Variants in FHIT observed in about 807,000 individuals in gnomAD.
The protein encoded by FHIT is bis(5'-adenosyl)-triphosphatase.
In FHIT, 19 loss-of-function variants were observed where a neutral mutation model predicts 17.9. The ratio of observed to expected loss-of-function variants is 1.06; its 90% confidence interval spans 0.74 to 1.56. The LOEUF (loss-of-function observed/expected upper bound fraction) is 1.56. Ranked by LOEUF, FHIT falls within the 40% of genes most tolerant of loss-of-function variation. The probability of loss-of-function intolerance (pLI) is 0.00; values close to 1 mark genes in which losing one functional copy is unlikely to be tolerated. For synonymous variants in FHIT, 81 were observed against 69.7 expected, an observed-to-expected ratio of 1.16 and a Z score of -0.81; for missense variants, 248 against 189.2, an observed-to-expected ratio of 1.31 and a Z score of -1.82.
intron 5 of FHIT, among the ~76,000 whole-genome samples, chr3:60,264,230 T>G (rs1706454676): frequency 6.6e-6 from 1 of 151,978 alleles, no homozygotes; most frequent in African/African-American, 2.4e-5. Context: ...AGGAGTAGCC[T>G]GATGAGCAAA....
chr3:60,674,595 G>A (rs1175612097), intron 4 of FHIT, among the ~76,000 whole-genome samples: 1 of 152,094 alleles, frequency 6.6e-6, no homozygotes. Context: ...TGTTAGAACT[G>A]GTCTAGTTCA....
At chr3:60,499,185 G>T (rs745413359) in intron 5 of FHIT, among the ~76,000 whole-genome samples, 1 of 152,154 alleles carries the variant, frequency 6.6e-6, no homozygotes, top group East Asian at 1.9e-4. Flanking sequence ...GGTGAATATA[G>T]CAAGGTATGA....
chr3:60,773,225 G>A (rs1490319590), intron 4 of FHIT, among the ~76,000 whole-genome samples: 1 of 152,080 alleles, frequency 6.6e-6, no homozygotes, highest in Non-Finnish European at 1.5e-5. Context: ...GTTACGATCT[G>A]CACAATCATG....
At chr3:60,514,009 G>A (rs1439815963) in intron 5 of FHIT, among the ~76,000 whole-genome samples, 4 of 152,130 alleles carry the variant, frequency 2.6e-5, no homozygotes, top group Non-Finnish European at 5.9e-5. Flanking sequence ...TTTGGCCAGG[G>A]ACAGCCTTAC....
At chr3:60,153,398 G>A (rs558515188) in intron 5 of FHIT, among the ~76,000 whole-genome samples, 38 of 150,518 alleles carry the variant, frequency 2.5e-4, no homozygotes, top group African/African-American at 8.8e-4. Flanking sequence ...AGGAGGTGGG[G>A]GAGAAAGAGG....
chr3:60,888,511 A>T (rs1440363192), intron 3 of FHIT, among the ~76,000 whole-genome samples: 1 of 152,200 alleles, frequency 6.6e-6, no homozygotes, highest in Non-Finnish European at 1.5e-5. Context: ...AAGAAAAAAA[A>T]AAATATAGGT....
intron 5 of FHIT, among the ~76,000 whole-genome samples, chr3:60,198,587 T>C (rs1339429780): frequency 1.3e-5 from 2 of 152,108 alleles, no homozygotes; most frequent in Non-Finnish European, 2.9e-5. Flanking sequence ...GAACACATAA[T>C]AGGCTCAGCA....
intron 8 of FHIT, among the ~76,000 whole-genome samples, chr3:59,774,010 CAATT>C (rs1445615037): frequency 6.6e-6 from 1 of 152,098 alleles, no homozygotes; most frequent in African/African-American, 2.4e-5. Context: ...TAAAATATTA[CAATT>C]AATTTTATCT....
intron 8 of FHIT, among the ~76,000 whole-genome samples, chr3:59,864,221 C>G (rs1320914478): frequency 6.6e-6 from 1 of 152,150 alleles, no homozygotes; most frequent in Non-Finnish European, 1.5e-5. Context: ...CCAGAATTCC[C>G]ACATGCTGTG....
chr3:60,246,835 T>C (rs1576364589), intron 5 of FHIT, among the ~76,000 whole-genome samples: 1 of 152,302 alleles, frequency 6.6e-6, no homozygotes, highest in Non-Finnish European at 1.5e-5. Flanking sequence ...ACCTGCCAAA[T>C]GTTCCTGTTT....
chr3:59,888,820 A>G (rs1559700692), intron 8 of FHIT, among the ~76,000 whole-genome samples: 1 of 152,198 alleles, frequency 6.6e-6, no homozygotes, highest in Non-Finnish European at 1.5e-5. Flanking sequence ...TTTATAATAA[A>G]CAGAAATTTA....
intron 1 of FHIT, among the ~76,000 whole-genome samples, chr3:61,232,962 T>A (rs2040142277): frequency 6.6e-6 from 1 of 152,186 alleles, no homozygotes; most frequent in South Asian, 2.1e-4. Flanking sequence ...ACATACATAT[T>A]TGCCTGTGTG....
chr3:60,778,149 G>A (rs1169548583), intron 4 of FHIT, among the ~76,000 whole-genome samples: 7 of 152,098 alleles, frequency 4.6e-5, no homozygotes, highest in African/African-American at 1.7e-4. Context: ...AATTGTATGG[G>A]ATTTCTAAAA....
intron 5 of FHIT, among the ~76,000 whole-genome samples, chr3:60,108,398 C>T (rs1704520538): frequency 6.6e-6 from 1 of 152,168 alleles, no homozygotes; most frequent in Admixed American, 6.5e-5. Context: ...ATGTCACTCC[C>T]TCCAGGGGTT....
intron 2 of FHIT, among the ~76,000 whole-genome samples, chr3:61,146,159 T>C (rs1425127263): frequency 6.6e-6 from 1 of 152,048 alleles, no homozygotes; most frequent in Admixed American, 6.6e-5. Flanking sequence ...TTCTAGTGGT[T>C]AGTAAAACCA....
chr3:60,334,936 T>A (rs1160540741), intron 5 of FHIT, among the ~76,000 whole-genome samples: 1 of 152,224 alleles, frequency 6.6e-6, no homozygotes, highest in Non-Finnish European at 1.5e-5. Context: ...CAGAATCTTT[T>A]TAAATTATTT....
At chr3:61,148,400 T>C (rs2037288734) in intron 2 of FHIT, among the ~76,000 whole-genome samples, 1 of 152,178 alleles carries the variant, frequency 6.6e-6, no homozygotes, top group South Asian at 2.1e-4. Context: ...TTCTGGCTTC[T>C]AGTATCATTG....
intron 8 of FHIT, among the ~76,000 whole-genome samples, chr3:59,799,582 A>G (rs920299878): frequency 2.0e-5 from 3 of 152,228 alleles, no homozygotes; most frequent in African/African-American, 7.2e-5. Flanking sequence ...GTAAAGAAAT[A>G]TGATAGCTAG....
At chr3:61,179,116 TCTC>T (rs758930942) in intron 2 of FHIT, among the ~76,000 whole-genome samples, 1 of 151,110 alleles carries the variant, frequency 6.6e-6, no homozygotes, top group East Asian at 2.0e-4. Context: ...TTCAAGCAAT[TCTC>T]CTGTCTCAGC....
Sources: gnomAD v4.1 joint callset for allele counts (sites outside exome capture counted in the v4.1 genomes callset) on GRCh38, gnomAD v4.1.1 for gene constraint, MANE v1.5 for transcripts, NCBI Gene and HGNC (gene_info 2026-07-23, HGNC 2026-07-21) for gene names.